Variants in MACO1 observed in about 807,000 individuals in gnomAD.
The protein encoded by MACO1 is macoilin 1.
In MACO1, 14 loss-of-function variants were observed where a neutral mutation model predicts 78.7. The ratio of observed to expected loss-of-function variants is 0.18; its 90% CI spans 0.12 to 0.28. The LOEUF (loss-of-function observed/expected upper bound fraction) is 0.28, where lower values mean the gene tolerates loss of function less well. MACO1 is among the 10% of genes least tolerant of loss of function. The pLI, the probability that MACO1 is intolerant of heterozygous loss-of-function variation, is 1.00. For missense variants in MACO1, 501 were observed against 799.0 expected (o/e 0.63, Z 4.50); for synonymous variants, 288 against 291.6 (o/e 0.99, Z 0.12).
chr1:25,483,238 A>G (rs927160989), intron 6 of MACO1, among the ~76,000 whole-genome samples: 4 of 152,128 alleles, frequency 2.6e-5, no homozygotes, highest in African/African-American at 9.7e-5. Context: ...TTTAGTAGAG[A>G]TGGGGTTTCA....
At chr1:25,451,743 T>C (rs1392704381) in intron 3 of MACO1, among the ~76,000 whole-genome samples, 2 of 151,924 alleles carry the variant, frequency 1.3e-5, no homozygotes, top group Non-Finnish European at 2.9e-5. Flanking sequence ...TTGTCTCTAC[T>C]AAAAATACAA....
chr1:25,467,171 T>C (rs1372627772), intron 6 of MACO1, among the ~76,000 whole-genome samples: 4 of 152,042 alleles, frequency 2.6e-5, no homozygotes, highest in African/African-American at 7.3e-5. Context: ...CGCAGGAGAA[T>C]CGCTTGAACC....
rs767856216 is a variant in MACO1, at chr1:25,484,247, G to A, written c.1286G>A (p.Arg429Gln). The A allele has an allele frequency of 2.5e-6, 4 of 1,612,832 alleles. No homozygotes were observed. Among genetic ancestry groups the A allele is most frequent in the Non-Finnish European group, 3.4e-6 (4 of 1,179,694 alleles). The part of the protein sequence containing the change: ...RGIRSEMGQL[R>Q]QENELLQNKL... ...ATCCGCTCAGAAATGGGCCAGCTTC[G>A]GCAGGAGAACGAGCTGCTGCAGAAC... The change falls in exon 7 of 11, where the codon CGG becomes CAG. Residue 429 changes from arginine (R) to glutamine (Q), a missense_variant. Coordinates refer to ENST00000374343, the MANE Select transcript of MACO1 (RefSeq NM_018202.6).
chr1:25,499,284 CT>C lies in MACO1; in HGVS notation c.*819del, dbSNP rs1209529509. 1 of 152,192 alleles carries C rather than the reference CT, an allele frequency of 6.6e-6. No individual in the cohort carries two copies. The highest frequency in any genetic ancestry group is 1.5e-5 in the Non-Finnish European group (1 of 68,054). The allele number at this position is 152,192 out of a possible 1,614,324, so 9.4% of individuals were successfully genotyped here. A position where few individuals can be genotyped will look rare whatever the true frequency, so the allele number is the denominator to read the frequency against. Reference sequence around the variant, plus strand: ...GCTGTAAAACTGGTGGGTAGCTGGGCTGTCCGTTACCACCACAGCTACATCT... The same window carrying C: ...GCTGTAAAACTGGTGGGTAGCTGGGCGTCCGTTACCACCACAGCTACATCT... On this transcript the variant is annotated 3_prime_UTR_variant, in exon 11 of 11. Coordinates refer to ENST00000374343, the MANE Select transcript of MACO1 (RefSeq NM_018202.6).
At chr1:25,438,441 A>G (rs993988135) in intron 1 of MACO1, among the ~76,000 whole-genome samples, 2 of 152,256 alleles carry the variant, frequency 1.3e-5, no homozygotes, top group African/African-American at 2.4e-5. Context: ...TAGGCAGAGT[A>G]GGTATTGCCA....
chr1:25,439,328 G>A (rs2042947322), intron 1 of MACO1, among the ~76,000 whole-genome samples: 1 of 151,416 alleles, frequency 6.6e-6, no homozygotes, highest in East Asian at 2.0e-4. Context: ...CTCAGGAGTT[G>A]GAGGTTGCAG....
intron 1 of MACO1, among the ~76,000 whole-genome samples, chr1:25,445,202 G>A (rs1010024307): frequency 1.3e-5 from 2 of 151,200 alleles, no homozygotes; most frequent in African/African-American, 4.9e-5. Context: ...GGGAAGCTGA[G>A]GTAGAAGGAT....
intron 1 of MACO1, among the ~76,000 whole-genome samples, chr1:25,442,461 A>G (rs1489327106): frequency 1.3e-5 from 2 of 152,202 alleles, no homozygotes; most frequent in East Asian, 3.8e-4. Context: ...CTAAATGGCC[A>G]TTAGTCTGCC....
intron 10 of MACO1, among the ~76,000 whole-genome samples, chr1:25,496,357 G>A (rs1159605432): frequency 1.3e-5 from 2 of 151,820 alleles, no homozygotes; most frequent in South Asian, 2.1e-4. Flanking sequence ...CATGTTGCCC[G>A]GGCTGGTCTC....
At position 25,456,818 on chromosome 1, in the gene MACO1, A is replaced by G. The variant is rs779661964; in HGVS notation, c.639A>G (p.Lys213=). ...PEQQMLQKQE[K]EAEEAAKGLP... ...AACAGATGCTACAGAAGCAAGAAAA[A>G]GAGGCCGAGGAAGGTAGGTCTTTAC... The change falls in exon 5 of 11, where the codon AAA becomes AAG. Residue 213 remains lysine, a synonymous_variant. Transcript: ENST00000374343. 28 of 1,609,526 alleles carry G rather than the reference A, an allele frequency of 1.7e-5. No homozygotes were observed. Among genetic ancestry groups the G allele is most frequent in the African/African-American group, 2.7e-5 (2 of 74,440 alleles).
intron 6 of MACO1, among the ~76,000 whole-genome samples, chr1:25,478,074 A>G (rs1051824844): frequency 4.0e-5 from 6 of 151,422 alleles, no homozygotes; most frequent in African/African-American, 7.4e-5. Flanking sequence ...GTAAAACCCC[A>G]TCTCTACAAA....
rs759846494 is a variant in MACO1, at chr1:25,485,598, A to G, written c.1314-15A>G. 18 of 1,603,290 alleles carry G rather than the reference A, an allele frequency of 1.1e-5. No homozygotes were observed. Among genetic ancestry groups the G allele is most frequent in the South Asian group, 1.0e-4 (9 of 88,922 alleles). ...TGTAATTTTAAGACTTTATATGACA[A>G]TCATTTCCATATAGGTTACATAATG... On this transcript the variant is annotated splice_polypyrimidine_tract_variant and intron_variant, in intron 7 of 10. Transcript: ENST00000374343. The surrounding 1 kb of genome is among the most constrained non-coding windows in gnomAD (Gnocchi z 4.3).
chr1:25,489,285 A>G lies in MACO1; in HGVS notation c.1609A>G (p.Lys537Glu), dbSNP rs201755742. 2.5e-6 allele frequency: 4 copies of G among 1,613,780 alleles called. No individual in the cohort carries two copies. In the East Asian group the frequency reaches 8.9e-5, roughly 36 times the overall value. Residue 537 changes from lysine to glutamate, a missense_variant, in exon 9 of 11, where the codon AAA (lysine) becomes GAA (glutamate). By Grantham distance (56) the Lys-to-Glu change is moderately conservative. Transcript: ENST00000374343. ...KEDQIRELEL[K>E]VQELRKYKEN... The stretch of plus-strand genomic sequence containing the variant: ...AGACCAAATCAGAGAACTAGAACTA[A>G]AAGTCCAGGTAAGGGGGGAACAAAA...
At chr1:25,431,621 C>T (rs2042870762) in intron 1 of MACO1, among the ~76,000 whole-genome samples, 1 of 152,124 alleles carries the variant, frequency 6.6e-6, no homozygotes, top group African/African-American at 2.4e-5. Context: ...TGGACCACAG[C>T]GCGGGGGGGT....
chr1:25,458,806 C>G lies in MACO1; in HGVS notation c.1068C>G (p.Cys356Trp). ...GTAAAAATGAGAAGAAGCAGAAATG[C>G]ACTAGCAAGAGCCCAAGTACACACA... ...SSSKNEKKQKCTSKSPSTHKD... is the reference protein window; with the variant it reads ...SSSKNEKKQKWTSKSPSTHKD... Residue 356 changes from cysteine (C) to tryptophan (W), a missense_variant, in exon 6 of 11, where the codon TGC becomes TGG. Around this residue, in one of 5 missense-constraint regions of MACO1, gnomAD observed 163 missense variants for 271.9 expected, o/e 0.60. Coordinates refer to ENST00000374343, the MANE Select transcript of MACO1 (RefSeq NM_018202.6). 1 of 1,614,142 alleles carries G rather than the reference C, an allele frequency of 6.2e-7. No homozygotes were observed. The highest frequency in any genetic ancestry group is 1.1e-5 in the South Asian group (1 of 91,084).
At chr1:25,483,809 C>G (rs1427958642) in intron 6 of MACO1, among the ~76,000 whole-genome samples, 1 of 152,220 alleles carries the variant, frequency 6.6e-6, no homozygotes, top group Non-Finnish European at 1.5e-5. Context: ...TTCAGCCACC[C>G]TCTCTGCTGT....
intron 4 of MACO1, among the ~76,000 whole-genome samples, chr1:25,455,634 A>G (rs1421043561): frequency 6.6e-6 from 1 of 152,216 alleles, no homozygotes; most frequent in Non-Finnish European, 1.5e-5. Context: ...CAATGAAAAT[A>G]TTTAACTTTC....
At chr1:25,441,264 C>A (rs1000706176) in intron 1 of MACO1, among the ~76,000 whole-genome samples, 1 of 151,976 alleles carries the variant, frequency 6.6e-6, no homozygotes, top group Non-Finnish European at 1.5e-5. Context: ...GATCTCGGCT[C>A]ACTGTAACCT....
chr1:25,454,280 C>T lies in MACO1; in HGVS notation c.371C>T (p.Thr124Ile). Residue 124 changes from threonine to isoleucine, a missense_variant, in exon 4 of 11, where the codon ACA (threonine) becomes ATA (isoleucine). Thr to Ile is a moderately conservative substitution (Grantham distance 89). Around this residue, in one of 5 missense-constraint regions of MACO1, gnomAD observed 171 missense variants for 292.1 expected, o/e 0.59. Coordinates refer to ENST00000374343, the MANE Select transcript of MACO1 (RefSeq NM_018202.6). ...WHTERGVCLP[T>I]VSLWILFVYI... is the part of the protein sequence containing the mutation. ...ACAGAAAGGGGAGTGTGTTTGCCTA[C>T]AGTGTCTCTCTGGATCCTCTTTGTT... 2 of 1,603,790 alleles carry T rather than the reference C, an allele frequency of 1.2e-6. No individual in the cohort carries two copies. Among genetic ancestry groups the T allele is most frequent in the Non-Finnish European group, 1.7e-6 (2 of 1,175,528 alleles).
Sources: gnomAD v4.1 joint callset for allele counts (sites outside exome capture counted in the v4.1 genomes callset) on GRCh38, gnomAD v4.1.1 for gene constraint, gnomAD v4.1.1 regional missense constraint, Gnocchi (gnomAD v3.1) non-coding constraint, MANE v1.5 for transcripts, NCBI Gene and HGNC (gene_info 2026-07-23, HGNC 2026-07-21) for gene names.